RALGAPA2: variants seen among roughly 807,000 people sequenced by gnomAD.
The protein encoded by RALGAPA2 is ral GTPase-activating protein subunit alpha-2.
A neutral mutation model predicts 230.4 loss-of-function variants in RALGAPA2; 139 were observed. The ratio of observed to expected loss-of-function variants is 0.60; its 90% CI spans 0.53 to 0.69. The LOEUF is 0.69. Among genes scored for constraint, RALGAPA2 ranks in the 30% least tolerant of loss-of-function variants. RALGAPA2 has a pLI of 0.00. For missense variants in RALGAPA2, 2,163 were observed against 2,276.0 expected, an observed-to-expected ratio of 0.95 and a Z score of 1.01; for synonymous variants, 847 against 837.8, an observed-to-expected ratio of 1.01 and a Z score of -0.19.
At chr20:20,683,918 C>T (rs992147993) in intron 1 of RALGAPA2, among the ~76,000 whole-genome samples, 6 of 152,136 alleles carry the variant, frequency 3.9e-5, no homozygotes, top group African/African-American at 1.4e-4. Flanking sequence ...CACACCCAAA[C>T]CTTGGTAAGA....
chr20:20,517,109 C>T (rs1253441948), intron 31 of RALGAPA2, among the ~76,000 whole-genome samples: 1 of 151,590 alleles, frequency 6.6e-6, no homozygotes, highest in Non-Finnish European at 1.5e-5. Flanking sequence ...AATGTACCTA[C>T]AGATAGCCCT....
intron 37 of RALGAPA2, among the ~76,000 whole-genome samples, chr20:20,453,711 G>A: frequency 6.6e-6 from 1 of 152,162 alleles, no homozygotes; most frequent in East Asian, 1.9e-4. Context: ...CTTCCCTAAT[G>A]TGCTCTGTAT....
chr20:20,479,241 T>C (rs190531634), intron 36 of RALGAPA2, among the ~76,000 whole-genome samples: 1 of 152,144 alleles, frequency 6.6e-6, no homozygotes, highest in Non-Finnish European at 1.5e-5. Context: ...AAAATTCAAA[T>C]AAAATCTTCG....
intron 37 of RALGAPA2, among the ~76,000 whole-genome samples, chr20:20,470,432 G>A (rs1040436405): frequency 8.5e-5 from 13 of 152,236 alleles, no homozygotes; most frequent in African/African-American, 2.6e-4. Flanking sequence ...CCACTGGCTC[G>A]TTTCTTTAGT....
chr20:20,633,660 A>T (rs959059095), intron 9 of RALGAPA2, among the ~76,000 whole-genome samples: 5 of 151,142 alleles, frequency 3.3e-5, no homozygotes, highest in Admixed American at 6.6e-5. Context: ...GCTAATTTTT[A>T]CTAGAGATGG....
chr20:20,494,218 G>T (rs1419646454), intron 36 of RALGAPA2, among the ~76,000 whole-genome samples: 2 of 152,070 alleles, frequency 1.3e-5, no homozygotes, highest in Non-Finnish European at 2.9e-5. Context: ...TAAATCTGTT[G>T]CCTATTATTT....
chr20:20,536,672 C>A lies in RALGAPA2; in HGVS notation c.3398G>T (p.Gly1133Val). 6.2e-7 allele frequency: 1 copy of A among 1,612,598 alleles called. No individual in the cohort carries two copies. Among genetic ancestry groups the A allele is most frequent in the South Asian group, 1.1e-5 (1 of 91,002 alleles). Reference sequence around the variant, plus strand: ...GTTATGTACCTTGACATCTTCAGTTCCTGTAATGGCCTCATTTACTTCTGG... The same window carrying A: ...GTTATGTACCTTGACATCTTCAGTTACTGTAATGGCCTCATTTACTTCTGG... ...SVPEVNEAIT[G>V]TEDVKHYLIN... The change falls in exon 25 of 40, where the codon GGA (glycine) becomes GTA (valine). Residue 1133 changes from glycine (G) to valine (V), a missense_variant. Gly to Val is a moderately radical substitution (Grantham distance 109). Transcript: ENST00000202677.
intron 7 of RALGAPA2, among the ~76,000 whole-genome samples, chr20:20,639,299 T>C (rs752128843): frequency 6.6e-6 from 1 of 152,206 alleles, no homozygotes; most frequent in Non-Finnish European, 1.5e-5. Context: ...TATTCAGAAA[T>C]CTAGACCAGG....
intron 6 of RALGAPA2, among the ~76,000 whole-genome samples, 181 bp from the exon 7 acceptor site, chr20:20,640,081 G>GA (rs2066983139): frequency 6.6e-6 from 1 of 152,160 alleles, no homozygotes; most frequent in Non-Finnish European, 1.5e-5. Flanking sequence ...AGATGCCCAC[G>GA]AAGCGCCTTC....
At chr20:20,402,221 G>A (rs763256216) in intron 38 of RALGAPA2, among the ~76,000 whole-genome samples, 1 of 152,240 alleles carries the variant, frequency 6.6e-6, no homozygotes, top group Non-Finnish European at 1.5e-5. Context: ...TGCCCCATGG[G>A]AGGGGGGACT....
At chr20:20,503,956 T>C (rs2062454428) in intron 34 of RALGAPA2, among the ~76,000 whole-genome samples, 1 of 152,210 alleles carries the variant, frequency 6.6e-6, no homozygotes, top group South Asian at 2.1e-4. Flanking sequence ...TAAACTGCCT[T>C]TCAAAAGGGT....
intron 37 of RALGAPA2, among the ~76,000 whole-genome samples, chr20:20,454,198 C>T (rs2061055263): frequency 2.6e-5 from 4 of 152,130 alleles, no homozygotes; most frequent in Non-Finnish European, 5.9e-5. Context: ...TGAAAGTGGC[C>T]TTAAAGGTGA....
intron 1 of RALGAPA2, among the ~76,000 whole-genome samples, chr20:20,710,119 G>A (rs1158131485): frequency 6.6e-6 from 1 of 152,110 alleles, no homozygotes; most frequent in Admixed American, 6.5e-5. Context: ...GCAGGGACAG[G>A]CTGCAAATAC....
intron 36 of RALGAPA2, among the ~76,000 whole-genome samples, chr20:20,479,199 T>C (rs546470451): frequency 6.6e-6 from 1 of 152,298 alleles, no homozygotes; most frequent in Admixed American, 6.5e-5. Flanking sequence ...GCAAATTCTA[T>C]AAAATCTTCG....
intron 38 of RALGAPA2, among the ~76,000 whole-genome samples, chr20:20,406,640 A>G (rs1330320132): frequency 5.3e-5 from 8 of 152,230 alleles, no homozygotes; most frequent in Non-Finnish European, 1.2e-4. Context: ...GGTCAGGTGC[A>G]GTGGCACACA....
At chr20:20,708,530 T>C (rs540333836) in intron 1 of RALGAPA2, among the ~76,000 whole-genome samples, 1 of 152,204 alleles carries the variant, frequency 6.6e-6, no homozygotes. Flanking sequence ...CCTGCCACCA[T>C]GTAAGACATG....
intron 20 of RALGAPA2, among the ~76,000 whole-genome samples, chr20:20,575,078 C>A (rs1025942425): frequency 6.6e-6 from 1 of 152,160 alleles, no homozygotes; most frequent in African/African-American, 2.4e-5. Flanking sequence ...CTCACCTGGT[C>A]TTCTTTTGCT....
chr20:20,417,243 CTTA>C (rs1376112482), intron 37 of RALGAPA2, among the ~76,000 whole-genome samples: 1 of 152,198 alleles, frequency 6.6e-6, no homozygotes, highest in Admixed American at 6.5e-5. Context: ...CTTAAGCCTC[CTTA>C]TGTTAGTTTT....
chr20:20,540,309 C>T (rs971462361), intron 24 of RALGAPA2, among the ~76,000 whole-genome samples: 4 of 152,208 alleles, frequency 2.6e-5, no homozygotes, highest in East Asian at 1.9e-4. Context: ...CTAACCCACA[C>T]ACTCATGTGC....
Sources: allele counts gnomAD v4.1 joint callset (sites outside exome capture counted in the v4.1 genomes callset), GRCh38; gene constraint gnomAD v4.1.1; transcripts MANE v1.5; gene names NCBI Gene and HGNC (gene_info 2026-07-23, HGNC 2026-07-21).